PRKCB: variants seen among roughly 807,000 people sequenced by gnomAD.
PRKCB encodes protein kinase C beta type.
Under a neutral mutation model 81.5 loss-of-function variants are expected in PRKCB, and 13 were observed. That is an observed-to-expected ratio of 0.16 (90% CI 0.10 to 0.25). The LOEUF is 0.25. Among genes scored for constraint, PRKCB ranks in the 10% least tolerant of loss-of-function variants. The probability of loss-of-function intolerance (pLI) is 1.00; values close to 1 mark genes in which losing one functional copy is unlikely to be tolerated. For synonymous variants in PRKCB, 335 were observed against 321.4 expected (o/e 1.04, Z -0.45); for missense variants, 509 against 875.7 (o/e 0.58, Z 5.29).
At chr16:24,064,697 GT>G (rs1368571103) in intron 5 of PRKCB, among the ~76,000 whole-genome samples, 2 of 151,596 alleles carry the variant, frequency 1.3e-5, no homozygotes, top group Non-Finnish European at 2.9e-5. Context: ...ATGATTCTGG[GT>G]TTTTTTCCTT....
intron 9 of PRKCB, among the ~76,000 whole-genome samples, chr16:24,134,306 C>T (rs1055579049): frequency 1.3e-5 from 2 of 152,088 alleles, no homozygotes; most frequent in Admixed American, 1.3e-4. Context: ...ACAAGAGCTA[C>T]CTAATGAGGC....
intron 2 of PRKCB, among the ~76,000 whole-genome samples, chr16:23,965,095 T>C (rs1165616077): frequency 6.6e-6 from 1 of 152,196 alleles, no homozygotes; most frequent in East Asian, 1.9e-4. Context: ...GTACTAATGA[T>C]TTCATCACCC....
intron 2 of PRKCB, among the ~76,000 whole-genome samples, chr16:23,838,072 G>C (rs1962199782): frequency 6.6e-6 from 1 of 152,180 alleles, no homozygotes; most frequent in Non-Finnish European, 1.5e-5. Context: ...CTGGTGGTGA[G>C]TTGATCACGT....
intron 2 of PRKCB, among the ~76,000 whole-genome samples, chr16:23,916,349 A>G (rs1963739661): frequency 6.6e-6 from 1 of 151,272 alleles, no homozygotes; most frequent in Non-Finnish European, 1.5e-5. Flanking sequence ...AGGCTTGAGC[A>G]CCATGCTCGA....
At chr16:24,181,004 A>G (rs1967613215) in intron 13 of PRKCB, 76 bp downstream of exon 13, 1 of 1,571,894 alleles carries the variant, frequency 6.4e-7, no homozygotes. Context: ...GAGAGCTGGG[A>G]AGGGTTGAGG....
intron 2 of PRKCB, among the ~76,000 whole-genome samples, chr16:23,890,441 T>C (rs921507080): frequency 1.3e-4 from 20 of 152,172 alleles, no homozygotes; most frequent in Non-Finnish European, 8.8e-5. Flanking sequence ...CTAGCATCTT[T>C]TCTGTTACTT....
chr16:24,105,235 T>C (rs1966560181), intron 7 of PRKCB, among the ~76,000 whole-genome samples: 1 of 152,138 alleles, frequency 6.6e-6, no homozygotes. Flanking sequence ...TTTTGTGTTT[T>C]TAGTAGAGGT....
intron 2 of PRKCB, among the ~76,000 whole-genome samples, chr16:23,923,722 G>T (rs150757413): frequency 1.3e-5 from 2 of 151,980 alleles, no homozygotes; most frequent in African/African-American, 4.8e-5. Context: ...TAATGACAGG[G>T]TTTCTCCTAA....
chr16:23,881,758 T>C (rs1043246808), intron 2 of PRKCB, among the ~76,000 whole-genome samples: 1 of 152,086 alleles, frequency 6.6e-6, no homozygotes, highest in Non-Finnish European at 1.5e-5. Flanking sequence ...ATTTACATTG[T>C]TGTGCAACAG....
intron 2 of PRKCB, among the ~76,000 whole-genome samples, chr16:23,837,938 C>G (rs886891621): frequency 6.6e-6 from 1 of 152,202 alleles, no homozygotes; most frequent in Non-Finnish European, 1.5e-5. Context: ...GGGAGTGTTT[C>G]TCAGATCCTG....
At chr16:23,981,166 G>C in intron 2 of PRKCB, among the ~76,000 whole-genome samples, 1 of 152,128 alleles carries the variant, frequency 6.6e-6, no homozygotes, top group Non-Finnish European at 1.5e-5. Flanking sequence ...TGAAATCGAG[G>C]TGTCAGCAGG....
In PRKCB at chr16:23,906,582, C is replaced by T. The variant is rs558941930; in HGVS notation, c.205+69176C>T. Among the ~76,000 whole-genome samples the T allele has an allele frequency of 7.9e-5, 12 of 152,144 alleles. 1 individual carries two copies. In the South Asian group the frequency reaches 2.5e-3, roughly 32 times the overall value. On this transcript the variant is annotated intron_variant, in intron 2 of 16. Transcript: ENST00000643927. ...CATTTTGTGTCTTGCTTAGAAAGGCCTCTTACTCAATGAGATTATAGAGGA... is the reference window on the plus strand; with the variant it reads ...CATTTTGTGTCTTGCTTAGAAAGGCTTCTTACTCAATGAGATTATAGAGGA...
intron 10 of PRKCB, among the ~76,000 whole-genome samples, chr16:24,159,897 G>T (rs1386745057): frequency 6.6e-6 from 1 of 152,040 alleles, no homozygotes; most frequent in Non-Finnish European, 1.5e-5. Context: ...TGGTGGGAGG[G>T]TCAACTGAGC....
intron 2 of PRKCB, among the ~76,000 whole-genome samples, chr16:23,986,667 C>A (rs7197785): frequency 0.62 from 94,338 of 152,046 alleles, 29,960 homozygotes; most frequent in South Asian, 0.78. Context: ...AGCACATTTT[C>A]ATCTTGTAAC....
intron 2 of PRKCB, among the ~76,000 whole-genome samples, chr16:23,915,075 A>G (rs1963718560): frequency 6.6e-6 from 1 of 152,110 alleles, no homozygotes; most frequent in Non-Finnish European, 1.5e-5. Context: ...CTGTGTTAGA[A>G]AACAGCAGGT....
At chr16:24,188,256 C>T (rs1450343289) in intron 15 of PRKCB, among the ~76,000 whole-genome samples, 3 of 152,170 alleles carry the variant, frequency 2.0e-5, no homozygotes, top group African/African-American at 4.8e-5. Flanking sequence ...GGGGCTCTTC[C>T]TTCAAGGAGG....
chr16:23,869,469 G>A (rs1962866301), intron 2 of PRKCB: 1 of 163,036 alleles, frequency 6.1e-6, no homozygotes, highest in Non-Finnish European at 1.4e-5. Context: ...GACTAAGCTG[G>A]AGCTTGAGCC....
intron 11 of PRKCB, among the ~76,000 whole-genome samples, chr16:24,173,684 A>G (rs2141967132): frequency 6.6e-6 from 1 of 152,360 alleles, no homozygotes; most frequent in South Asian, 2.1e-4. Flanking sequence ...CCTTTGTGGC[A>G]TAACTGGGCT....
intron 2 of PRKCB, among the ~76,000 whole-genome samples, chr16:23,920,299 G>T (rs559419033): frequency 1.1e-4 from 16 of 152,164 alleles, no homozygotes; most frequent in African/African-American, 3.6e-4. Flanking sequence ...GTCTTCTTTG[G>T]AGAAATTCTA....
Sources: allele counts gnomAD v4.1 joint callset (sites outside exome capture counted in the v4.1 genomes callset), GRCh38; gene constraint gnomAD v4.1.1; transcripts MANE v1.5; gene names NCBI Gene and HGNC (gene_info 2026-07-23, HGNC 2026-07-21).